Variants in PIWIL2 observed in about 807,000 individuals in gnomAD.
PIWIL2 encodes the protein piwi-like protein 2.
A neutral mutation model predicts 116.5 loss-of-function variants in PIWIL2; 81 were observed. That is an observed-to-expected ratio of 0.70 (90% confidence interval 0.58 to 0.84). PIWIL2 has a LOEUF of 0.84. PIWIL2 is among the 40% of genes least tolerant of loss of function. The probability of loss-of-function intolerance (pLI) is 0.00; values close to 1 mark genes in which losing one functional copy is unlikely to be tolerated. For synonymous variants in PIWIL2, 489 were observed against 429.5 expected, an observed-to-expected ratio of 1.14 and a Z score of -1.71; for missense variants, 1,272 against 1,212.3, an observed-to-expected ratio of 1.05 and a Z score of -0.73.
rs566487852 is a variant in PIWIL2, at chr8:22,317,248, A to G, written c.2297+915A>G. ...TAAAAATAAGCCATGCTCATCCCAA[A>G]TATCTGCAGAAATTGAGAAAGTGAG... On this transcript the variant is annotated intron_variant, in intron 19 of 22. Transcript: ENST00000356766. Among the ~76,000 whole-genome samples, 21 of 152,340 alleles carry G rather than the reference A, an allele frequency of 1.4e-4. No homozygotes were observed. In the East Asian group the frequency reaches 4.0e-3, roughly 29 times the overall value.
chr8:22,323,562 G>A (rs1372595324), intron 20 of PIWIL2, among the ~76,000 whole-genome samples: 1 of 152,096 alleles, frequency 6.6e-6, no homozygotes, highest in African/African-American at 2.4e-5. Flanking sequence ...GTTACATCTT[G>A]GAGTGTCTTT....
chr8:22,315,936 T>C (rs1831447731), intron 18 of PIWIL2, among the ~76,000 whole-genome samples: 1 of 152,206 alleles, frequency 6.6e-6, no homozygotes, highest in African/African-American at 2.4e-5. Context: ...TCTTTGAGTG[T>C]CATGTCGGTG....
chr8:22,297,372 C>A (rs553472363), intron 10 of PIWIL2, among the ~76,000 whole-genome samples: 1 of 152,168 alleles, frequency 6.6e-6, no homozygotes, highest in Non-Finnish European at 1.5e-5. Context: ...CCTTCTACAT[C>A]GGCCCCCTAA....
In PIWIL2 at chr8:22,277,049, C is replaced by T. The variant is rs75802410; in HGVS notation, c.-47+1651C>T. 7.3e-3 allele frequency among the ~76,000 whole-genome samples: 1,084 copies of T among 148,778 alleles called. 10 individuals are homozygous for T. Among genetic ancestry groups the T allele is most frequent in the African/African-American group, 0.026 (1,037 of 40,176 alleles). The stretch of plus-strand genomic sequence containing the variant: ...TATATATATATTTTTTTTTTTGAGA[C>T]AGAATCTTGTGCTGTCACCCAGGCT... On this transcript the variant is annotated intron_variant, in intron 1 of 22. Transcript: ENST00000356766.
intron 20 of PIWIL2, among the ~76,000 whole-genome samples, chr8:22,332,023 G>A (rs1831874732): frequency 1.3e-5 from 2 of 152,058 alleles, no homozygotes; most frequent in African/African-American, 4.8e-5. Context: ...TGAAAGATAG[G>A]TGAGCAGAAA....
chr8:22,300,253 A>G (rs1244618590), intron 10 of PIWIL2, among the ~76,000 whole-genome samples: 2 of 151,400 alleles, frequency 1.3e-5, no homozygotes, highest in African/African-American at 4.9e-5. Context: ...CCAGCAGCCC[A>G]CCCACCCACC....
At chr8:22,276,462 C>T (rs1471079806) in intron 1 of PIWIL2, among the ~76,000 whole-genome samples, 1 of 152,126 alleles carries the variant, frequency 6.6e-6, no homozygotes, top group Non-Finnish European at 1.5e-5. Flanking sequence ...ATTACAGGCG[C>T]AGGCCACCAT....
chr8:22,303,008 A>T (rs1226626146), intron 10 of PIWIL2, among the ~76,000 whole-genome samples: 3 of 152,178 alleles, frequency 2.0e-5, no homozygotes, highest in African/African-American at 7.2e-5. Context: ...CTACCCCTAG[A>T]TTAAGTTTTC....
rs1444909409 is a variant in PIWIL2 at position 22,353,174 on chromosome 8, T to C, written c.2619T>C (p.Pro873=). ...CTCAGAACTTTGTAACTCCCACTCCTGGAACTGTGGTAGATCATACAATAA... is the reference window on the plus strand; with the variant it reads ...CTCAGAACTTTGTAACTCCCACTCCCGGAACTGTGGTAGATCATACAATAA... The part of the protein sequence containing the change: ...AAPQNFVTPT[P]GTVVDHTITS... Residue 873 remains proline (P), a synonymous_variant, in exon 21 of 23, where the codon CCT becomes CCC. Coordinates refer to ENST00000356766, the MANE Select transcript of PIWIL2 (RefSeq NM_018068.5). 3.7e-6 allele frequency: 6 copies of C among 1,613,818 alleles called. No individual in the cohort carries two copies. Among genetic ancestry groups the C allele is most frequent in the Admixed American group, 1.7e-5 (1 of 60,004 alleles).
At chr8:22,329,143 C>T (rs957524619) in intron 20 of PIWIL2, among the ~76,000 whole-genome samples, 31 of 152,110 alleles carry the variant, frequency 2.0e-4, no homozygotes, top group Admixed American at 1.8e-3. Context: ...GTTTCTGCTC[C>T]TAATTTGCTG....
At chr8:22,342,273 A>G (rs926513933) in intron 20 of PIWIL2, among the ~76,000 whole-genome samples, 6 of 152,206 alleles carry the variant, frequency 3.9e-5, no homozygotes, top group Admixed American at 6.5e-5. Context: ...ATCTTACTCA[A>G]AATCCCAGCA....
chr8:22,344,399 A>C (rs1238747202), intron 20 of PIWIL2, among the ~76,000 whole-genome samples: 1 of 152,224 alleles, frequency 6.6e-6, no homozygotes, highest in Non-Finnish European at 1.5e-5. Flanking sequence ...TATGATAACA[A>C]AAGGGGAAAC....
At chr8:22,320,363 A>T (rs929594086) in intron 20 of PIWIL2, among the ~76,000 whole-genome samples, 3 of 142,954 alleles carry the variant, frequency 2.1e-5, no homozygotes, top group Non-Finnish European at 3.0e-5. Flanking sequence ...TGCTTCCCGG[A>T]TTCAAGCAAT....
intron 14 of PIWIL2, among the ~76,000 whole-genome samples, chr8:22,309,391 A>T (rs538881865): frequency 1.5e-3 from 233 of 152,244 alleles, no homozygotes; most frequent in Non-Finnish European, 2.8e-3. Context: ...CCCAGGCTGG[A>T]GTGCAGTGGT....
At chr8:22,334,979 C>A (rs1453115807) in intron 20 of PIWIL2, among the ~76,000 whole-genome samples, 1 of 150,302 alleles carries the variant, frequency 6.7e-6, no homozygotes, top group African/African-American at 2.5e-5. Context: ...CACTTGAACC[C>A]AGGAGATGGA....
chr8:22,313,950 T>C (rs1325955748), intron 16 of PIWIL2, among the ~76,000 whole-genome samples: 2 of 152,222 alleles, frequency 1.3e-5, no homozygotes, highest in Non-Finnish European at 2.9e-5. Flanking sequence ...ATAAGTTGTT[T>C]AGTAAACCAA....
intron 20 of PIWIL2, among the ~76,000 whole-genome samples, chr8:22,343,457 G>T (rs958323830): frequency 6.6e-6 from 1 of 151,802 alleles, no homozygotes; most frequent in Non-Finnish European, 1.5e-5. Flanking sequence ...AATTAGCTGG[G>T]CATGGTGGCG....
intron 20 of PIWIL2, among the ~76,000 whole-genome samples, chr8:22,328,693 T>C (rs1831786122): frequency 6.6e-6 from 1 of 152,144 alleles, no homozygotes; most frequent in African/African-American, 2.4e-5. Flanking sequence ...TTGGATGCTA[T>C]TGTAAATGGA....
intron 20 of PIWIL2, among the ~76,000 whole-genome samples, chr8:22,343,145 G>C (rs1286337524): frequency 1.3e-5 from 2 of 151,992 alleles, no homozygotes; most frequent in South Asian, 4.2e-4. Flanking sequence ...GCTCACACCT[G>C]TAATCCCAGC....
Sources: allele counts gnomAD v4.1 joint callset (sites outside exome capture counted in the v4.1 genomes callset), GRCh38; gene constraint gnomAD v4.1.1; transcripts MANE v1.5; gene names NCBI Gene and HGNC (gene_info 2026-07-23, HGNC 2026-07-21).